Variants in THRA observed in about 807,000 individuals in gnomAD.
THRA encodes the protein thyroid hormone receptor alpha, also known as EAR-7.
A neutral mutation model predicts 45.0 loss-of-function variants in THRA; 13 were observed. The observed-to-expected ratio is 0.29, with a 90% CI of 0.19 to 0.46. The LOEUF (loss-of-function observed/expected upper bound fraction) is 0.46, where lower values mean the gene tolerates loss of function less well. Ranked by LOEUF, THRA falls within the 20% of genes least tolerant of loss-of-function variation. The pLI is 1.00. For missense variants in THRA, 278 were observed against 556.1 expected, an observed-to-expected ratio of 0.50 and a Z score of 5.03; for synonymous variants, 195 against 214.0, an observed-to-expected ratio of 0.91 and a Z score of 0.78.
At chr17:40,063,878 G>A (rs1451659733) in intron 1 of THRA, among the ~76,000 whole-genome samples, 4 of 151,778 alleles carry the variant, frequency 2.6e-5, no homozygotes, top group African/African-American at 9.7e-5. Context: ...GGCCTGGGGG[G>A]ATGACAGGGG....
intron 6 of THRA, among the ~76,000 whole-genome samples, chr17:40,085,016 G>A (rs1768212836): frequency 6.6e-6 from 1 of 152,204 alleles, no homozygotes; most frequent in African/African-American, 2.4e-5. Flanking sequence ...CCAACTGGGA[G>A]CTCAATGAGG....
intron 8 of THRA, 46 bp downstream of exon 8, chr17:40,088,546 C>G (rs1329384291): frequency 6.4e-7 from 1 of 1,569,938 alleles, no homozygotes; most frequent in Non-Finnish European, 8.7e-7. Flanking sequence ...CCAGGGGTCC[C>G]AGAGATTGGC....
At position 40,089,974 on chromosome 17, in the gene THRA, A is replaced by T. The variant is rs1987473251; in HGVS notation, c.*518A>T. The T allele has an allele frequency of 1.5e-5, 15 of 989,688 alleles. No individual in the cohort carries two copies. The highest frequency in any genetic ancestry group is 1.8e-5 in the Non-Finnish European group (15 of 832,610). 61.3% of individuals were successfully genotyped at this position (989,688 alleles called of 1,614,324 possible). ...CCTCTGGAGGTTAAAATTTATAGTC[A>T]TTCTAACTGCACTTTGGAAACCAAG... On this transcript the variant is annotated 3_prime_UTR_variant, in exon 9 of 9. Transcript: ENST00000450525. This position sits in a 1 kb window ranked among gnomAD's most constrained non-coding sequence, Gnocchi z 6.1.
At chr17:40,071,078 T>G (rs1415663136) in intron 1 of THRA, among the ~76,000 whole-genome samples, 1 of 148,902 alleles carries the variant, frequency 6.7e-6, no homozygotes, top group Non-Finnish European at 1.5e-5. Context: ...CCTTCTTCCC[T>G]CTTTCCCCCA....
rs1185114174 is a variant in THRA at position 40,089,566 on chromosome 17, C to T, written c.*110C>T. 25 of 1,481,894 alleles carry T rather than the reference C, an allele frequency of 1.7e-5. No individual in the cohort carries two copies. The highest frequency in any genetic ancestry group is 2.1e-5 in the Non-Finnish European group (23 of 1,120,022). 91.8% of individuals were successfully genotyped at this position (1,481,894 alleles called of 1,614,324 possible). ...CCCACACCCCTTCTCTCCTTCCTCTCGTCCTTGGATAGATTCAGCTCCCAC... is the reference window on the plus strand; with the variant it reads ...CCCACACCCCTTCTCTCCTTCCTCTTGTCCTTGGATAGATTCAGCTCCCAC... On this transcript the variant is annotated 3_prime_UTR_variant, in exon 9 of 9. Transcript: ENST00000450525. The surrounding 1 kb of genome is among the most constrained non-coding windows in gnomAD (Gnocchi z 6.1).
At chr17:40,069,733 GGGGCTGAGTTCTCCAGCAT>G (rs1986707050) in intron 1 of THRA, among the ~76,000 whole-genome samples, 1 of 152,080 alleles carries the variant, frequency 6.6e-6, no homozygotes, top group Admixed American at 6.5e-5. Flanking sequence ...CTGATAAGGA[GGGGCTGAGTTCTCCAGCAT>G]GGGTGTGGGC....
chr17:40,088,787 C>T (rs145389060), intron 8 of THRA, among the ~76,000 whole-genome samples: 134 of 151,864 alleles, frequency 8.8e-4, no homozygotes, highest in Middle Eastern at 6.8e-3. Context: ...GTTCCCCACT[C>T]CCCACTTTGT....
At chr17:40,083,645 G>A (rs1987223904) in intron 4 of THRA, among the ~76,000 whole-genome samples, 190 bp from the exon 5 acceptor site, 1 of 152,186 alleles carries the variant, frequency 6.6e-6, no homozygotes, top group Non-Finnish European at 1.5e-5. Flanking sequence ...CAGCCTGGGG[G>A]CTGAGGGCAT....
chr17:40,083,951 G>A lies in THRA; in HGVS notation c.339G>A (p.Lys113=), dbSNP rs977683932. The A allele has an allele frequency of 1.2e-6, 2 of 1,613,714 alleles. No homozygotes were observed. The highest frequency in any genetic ancestry group is 2.7e-5 in the African/African-American group (2 of 74,928). Residue 113 remains lysine (K), a synonymous_variant, in exon 5 of 9, where the codon AAG becomes AAA. Transcript: ENST00000450525. ...TRNQCQLCRF[K]KCIAVGMAMD... ...ATCAGTGCCAGCTGTGCCGCTTCAA[G>A]AAGTGCATCGCCGTGGGCATGGCCA...
In THRA at chr17:40,086,904, G is replaced by C. The variant is rs2145081532; in HGVS notation, c.723+51G>C. 1.9e-6 allele frequency: 3 copies of C among 1,607,004 alleles called. No individual in the cohort carries two copies. In the East Asian group the frequency reaches 6.7e-5, roughly 36 times the overall value. Reference sequence around the variant, plus strand: ...GTGATGCTGTGCTGGAGGGAAACCTGCTCCCCCGGTCACCCAGTACAGGCT... The same window carrying C: ...GTGATGCTGTGCTGGAGGGAAACCTCCTCCCCCGGTCACCCAGTACAGGCT... On this transcript the variant is annotated intron_variant, in intron 7 of 8. Coordinates refer to ENST00000450525, the MANE Select transcript of THRA (RefSeq NM_199334.5).
chr17:40,074,454 C>A lies in THRA; in HGVS notation c.-35C>A. On this transcript the variant is annotated 5_prime_UTR_variant, in exon 2 of 9. Coordinates refer to ENST00000450525, the MANE Select transcript of THRA (RefSeq NM_199334.5). ...CAGTGTGCCCACCCCAGTCTCTTGGCGTGCTGGAGGGCATCCTGGATGGAA... is the reference window on the plus strand; with the variant it reads ...CAGTGTGCCCACCCCAGTCTCTTGGAGTGCTGGAGGGCATCCTGGATGGAA... 6.2e-7 allele frequency: 1 copy of A among 1,612,974 alleles called. No individual in the cohort carries two copies.
At chr17:40,075,297 G>C (rs759710659) in intron 2 of THRA, among the ~76,000 whole-genome samples, 10 of 151,914 alleles carry the variant, frequency 6.6e-5, no homozygotes, top group African/African-American at 9.7e-5. Context: ...TATGGCCAGG[G>C]AGAGGGTGGG....
chr17:40,092,705 A>C lies in THRA; in HGVS notation c.*3249A>C. On this transcript the variant is annotated 3_prime_UTR_variant, in exon 9 of 9. Coordinates refer to ENST00000450525, the MANE Select transcript of THRA (RefSeq NM_199334.5). ...TCTGCTGGCAGAGTACCCACCCCAC[A>C]AACTGACCAGATGGAGAGGTGGCCC... 6.5e-6 allele frequency: 2 copies of C among 309,598 alleles called. No individual in the cohort carries two copies. Among genetic ancestry groups the C allele is most frequent in the Non-Finnish European group, 1.2e-5 (2 of 165,360 alleles). The allele number at this position is 309,598 out of a possible 1,614,324, so 19.2% of individuals were successfully genotyped here.
chr17:40,063,202 G>A (rs1986422854), intron 1 of THRA, 110 bp downstream of exon 1: 1 of 152,316 alleles, frequency 6.6e-6, no homozygotes, highest in Admixed American at 6.5e-5. Context: ...GCGCCCAGGG[G>A]GTGCCTGCTG....
intron 4 of THRA, among the ~76,000 whole-genome samples, chr17:40,082,913 C>T (rs1203112849): frequency 6.7e-6 from 1 of 150,242 alleles, no homozygotes; most frequent in African/African-American, 2.5e-5. Context: ...TTACAGGCGC[C>T]CACCACCACG....
chr17:40,085,720 C>T (rs940245711), intron 6 of THRA, among the ~76,000 whole-genome samples: 25 of 151,878 alleles, frequency 1.6e-4, no homozygotes, highest in African/African-American at 4.1e-4. Context: ...CTTGGCTCAC[C>T]GCAACCTCTA....
At chr17:40,066,758 G>A (rs1488064897) in intron 1 of THRA, among the ~76,000 whole-genome samples, 1 of 152,008 alleles carries the variant, frequency 6.6e-6, no homozygotes, top group African/African-American at 2.4e-5. Flanking sequence ...AGAGATGATG[G>A]TGATGATCAT....
intron 1 of THRA, among the ~76,000 whole-genome samples, chr17:40,069,210 A>T (rs1986687961): frequency 7.4e-6 from 1 of 134,572 alleles, no homozygotes; most frequent in Non-Finnish European, 1.6e-5. Flanking sequence ...ACACACTCTC[A>T]ATCTTTCTCT....
intron 4 of THRA, among the ~76,000 whole-genome samples, chr17:40,081,573 G>T (rs1423824903): frequency 1.1e-4 from 17 of 152,038 alleles, no homozygotes; most frequent in Non-Finnish European, 1.6e-4. Flanking sequence ...GGCCAGCAAG[G>T]CTTATGTTTA....
Sources: gnomAD v4.1 joint callset for allele counts (sites outside exome capture counted in the v4.1 genomes callset) on GRCh38, gnomAD v4.1.1 for gene constraint, Gnocchi (gnomAD v3.1) non-coding constraint, MANE v1.5 for transcripts, NCBI Gene and HGNC (gene_info 2026-07-23, HGNC 2026-07-21) for gene names.